The following MBD5 variants were observed in gnomAD, a reference collection of about 807,000 sequenced individuals.
MBD5 encodes methyl-CpG binding domain protein 5, also known as methyl-CpG-binding domain protein 5.
A neutral mutation model predicts 117.3 loss-of-function variants in MBD5; 13 were observed. The ratio of observed to expected loss-of-function variants is 0.11; its 90% CI spans 0.07 to 0.18. MBD5 has a LOEUF of 0.18. Ranked by LOEUF, MBD5 falls within the 10% of genes least tolerant of loss-of-function variation. MBD5 has a pLI of 1.00. For synonymous variants in MBD5, 727 were observed against 766.4 expected, an observed-to-expected ratio of 0.95 and a Z score of 0.85; for missense variants, 1,879 against 2,093.8, an observed-to-expected ratio of 0.90 and a Z score of 2.00.
intron 2 of MBD5, among the ~76,000 whole-genome samples, chr2:148,210,142 T>C (rs1699383309): frequency 6.6e-6 from 1 of 152,224 alleles, no homozygotes; most frequent in South Asian, 2.1e-4. Flanking sequence ...TAGATCTTAA[T>C]TTTATTTTCA....
rs779824788 is a variant in MBD5, at chr2:148,483,315, C to G, written c.2724C>G (p.Asn908Lys). Reference protein sequence around the residue: ...LHFPSNSTSNNHLPHPLNPSL... With the variant: ...LHFPSNSTSNKHLPHPLNPSL... ...TTCCATCCAACAGCACTTCAAACAA[C>G]CATCTTCCACACCCCTTGAACCCCA... Residue 908 changes from asparagine (N) to lysine (K), a missense_variant, in exon 9 of 14, where the codon AAC becomes AAG. Around this residue, in one of 4 missense-constraint regions of MBD5, gnomAD observed 1,666 missense variants for 1,792.2 expected, o/e 0.93. Transcript: ENST00000642680. The G allele has an allele frequency of 3.1e-6, 5 of 1,614,118 alleles. No individual in the cohort carries two copies. The highest frequency in any genetic ancestry group is 4.2e-6 in the Non-Finnish European group (5 of 1,180,020).
chr2:148,088,047 G>T (rs1695841149), intron 1 of MBD5, among the ~76,000 whole-genome samples: 1 of 151,744 alleles, frequency 6.6e-6, no homozygotes, highest in South Asian at 2.1e-4. Context: ...GGAAATGAAA[G>T]ATAGACTTAG....
chr2:148,325,618 T>C, intron 3 of MBD5, among the ~76,000 whole-genome samples: 1 of 152,218 alleles, frequency 6.6e-6, no homozygotes, highest in Non-Finnish European at 1.5e-5. Flanking sequence ...CTAGTATATT[T>C]GCGTAGAGGT....
chr2:148,274,067 T>C (rs1352236877), intron 3 of MBD5, among the ~76,000 whole-genome samples: 1 of 152,152 alleles, frequency 6.6e-6, no homozygotes, highest in African/African-American at 2.4e-5. Context: ...TAGTTCTCAT[T>C]TGGAAGTTTT....
chr2:148,340,041 C>T (rs1702897641), intron 3 of MBD5, among the ~76,000 whole-genome samples: 1 of 152,050 alleles, frequency 6.6e-6, no homozygotes, highest in Non-Finnish European at 1.5e-5. Flanking sequence ...CCCTCTCTCC[C>T]TTCAGAATCC....
chr2:148,427,096 A>T (rs551233596), intron 4 of MBD5, among the ~76,000 whole-genome samples: 1 of 152,218 alleles, frequency 6.6e-6, no homozygotes, highest in Non-Finnish European at 1.5e-5. Flanking sequence ...TCAAAACCAC[A>T]ATGAGATACC....
At chr2:148,507,689 G>A (rs531308933) in intron 12 of MBD5, among the ~76,000 whole-genome samples, 17 of 152,020 alleles carry the variant, frequency 1.1e-4, no homozygotes, top group East Asian at 3.9e-4. Context: ...GAACCCGGGA[G>A]GCGGAGCTTG....
intron 1 of MBD5, among the ~76,000 whole-genome samples, chr2:148,124,581 A>T (rs1696845613): frequency 6.6e-6 from 1 of 152,312 alleles, no homozygotes; most frequent in South Asian, 2.1e-4. Flanking sequence ...CATTTTCAAA[A>T]AAGAAAGAAT....
chr2:148,137,474 C>T (rs1416145590), intron 1 of MBD5, among the ~76,000 whole-genome samples: 1 of 152,142 alleles, frequency 6.6e-6, no homozygotes, highest in Non-Finnish European at 1.5e-5. Context: ...AAATCTTACC[C>T]ATCTGGCCAG....
chr2:148,418,438 T>C (rs1046109327), intron 4 of MBD5, among the ~76,000 whole-genome samples: 2 of 152,200 alleles, frequency 1.3e-5, no homozygotes, highest in Admixed American at 1.3e-4. Context: ...TAACTCTGTT[T>C]GCCAATGATG....
At chr2:148,466,592 G>C (rs1288763776) in intron 7 of MBD5, among the ~76,000 whole-genome samples, 1 of 152,100 alleles carries the variant, frequency 6.6e-6, no homozygotes, top group Non-Finnish European at 1.5e-5. Context: ...CTCACTATTT[G>C]CCAAGCACAG....
chr2:148,226,115 T>G (rs1699810941), intron 2 of MBD5, among the ~76,000 whole-genome samples: 1 of 152,152 alleles, frequency 6.6e-6, no homozygotes, highest in Non-Finnish European at 1.5e-5. Context: ...TATTTTCTTT[T>G]TTTTTTCATT....
chr2:148,469,185 T>C lies in MBD5; in HGVS notation c.1242T>C (p.Pro414=), dbSNP rs1253613569. Residue 414 remains proline (P), a synonymous_variant, in exon 8 of 14, where the codon CCT becomes CCC. Coordinates refer to ENST00000642680, the MANE Select transcript of MBD5 (RefSeq NM_001378120.1). The part of the protein sequence containing the change: ...PSNLPLPTVK[P]GHMNHGSHVQ... ...ATCTCCCATTGCCAACTGTAAAACC[T>C]GGTCACATGAATCATGGGAGTCATG... is the stretch of plus-strand genomic sequence containing the variant. The C allele has an allele frequency of 6.2e-7, 1 of 1,614,088 alleles. No homozygotes were observed. The highest frequency in any genetic ancestry group is 1.1e-5 in the South Asian group (1 of 91,090).
intron 3 of MBD5, among the ~76,000 whole-genome samples, chr2:148,311,673 G>A (rs115648309): frequency 0.12 from 18,166 of 152,216 alleles, 1,441 homozygotes; most frequent in Non-Finnish European, 0.18. Context: ...TGTTATGTCT[G>A]AATTTGATCC....
chr2:148,135,223 G>T (rs986600247), intron 1 of MBD5, among the ~76,000 whole-genome samples: 1 of 152,174 alleles, frequency 6.6e-6, no homozygotes, highest in Non-Finnish European at 1.5e-5. Context: ...TGTATGACTT[G>T]TTTTGATTAA....
chr2:148,510,023 A>G lies in MBD5; in HGVS notation c.5037-37A>G, dbSNP rs1559109017. The G allele has an allele frequency of 2.7e-6, 4 of 1,479,282 alleles. No individual in the cohort carries two copies. The South Asian group carries it at 4.6e-5, about 17-fold the overall frequency. 91.6% of individuals were successfully genotyped at this position (1,479,282 alleles called of 1,614,324 possible). A position where few individuals can be genotyped will look rare whatever the true frequency, so the allele number is the denominator to read the frequency against. On this transcript the variant is annotated intron_variant, in intron 12 of 13. Transcript: ENST00000642680. ...AATTAAATTGAGTTTTGTTTCTTTA[A>G]TTTTTTAATCTGGTGTGTTGTTTTC... is the stretch of plus-strand genomic sequence containing the variant.
At chr2:148,440,816 G>A (rs1274424163) in intron 4 of MBD5, among the ~76,000 whole-genome samples, 1 of 152,140 alleles carries the variant, frequency 6.6e-6, no homozygotes, top group African/African-American at 2.4e-5. Context: ...ATAACAAAAG[G>A]TTACTTTAAA....
chr2:148,290,988 G>T (rs1034844508), intron 3 of MBD5, among the ~76,000 whole-genome samples: 6 of 152,074 alleles, frequency 3.9e-5, no homozygotes, highest in Admixed American at 3.9e-4. Context: ...GTGTATGAGG[G>T]TTTCAGTTTC....
In MBD5 at chr2:148,483,729, T is replaced by C. The variant is rs1574477685; in HGVS notation, c.3138T>C (p.Ala1046=). The change falls in exon 9 of 14, where the codon GCT becomes GCC. Residue 1046 remains alanine (A), a synonymous_variant. Transcript: ENST00000642680. ...LPSNQSDNSR[A]ETLLTSPLGN... ...GCAATCAGTCAGACAACAGCCGAGC[T>C]GAGACCCTTTTAACCAGCCCCCTGG... is the stretch of plus-strand genomic sequence containing the variant. 6.4e-7 allele frequency: 1 copy of C among 1,550,578 alleles called. No individual in the cohort carries two copies. The highest frequency in any genetic ancestry group is 1.4e-5 in the African/African-American group (1 of 73,168).
Sources: gnomAD v4.1 joint callset for allele counts (sites outside exome capture counted in the v4.1 genomes callset) on GRCh38, gnomAD v4.1.1 for gene constraint, gnomAD v4.1.1 regional missense constraint, MANE v1.5 for transcripts, NCBI Gene and HGNC (gene_info 2026-07-23, HGNC 2026-07-21) for gene names.